The following TRIO variants were observed in gnomAD, a reference collection of about 807,000 sequenced individuals.
The protein encoded by TRIO is trio Rho guanine nucleotide exchange factor.
Under a neutral mutation model 351.9 loss-of-function variants are expected in TRIO, and 58 were observed. The observed-to-expected ratio is 0.16, with a 90% CI of 0.13 to 0.21. TRIO has a LOEUF of 0.21. TRIO is among the 10% of genes least tolerant of loss of function. TRIO has a pLI of 1.00. For synonymous variants in TRIO, 1,758 were observed against 1,595.7 expected (o/e 1.10, Z -2.42); for missense variants, 3,201 against 4,027.8 (o/e 0.79, Z 5.56).
chr5:14,153,055 G>C (rs148445751), intron 1 of TRIO, among the ~76,000 whole-genome samples: 3 of 152,214 alleles, frequency 2.0e-5, no homozygotes, highest in Non-Finnish European at 2.9e-5. Context: ...TTCTCATAAG[G>C]TTCAGCCTGT....
chr5:14,487,677 C>T lies in TRIO; in HGVS notation c.7049C>T (p.Pro2350Leu), dbSNP rs754870679. 2.1e-6 allele frequency: 3 copies of T among 1,411,224 alleles called. No individual in the cohort carries two copies. The highest frequency in any genetic ancestry group is 2.8e-6 in the Non-Finnish European group (3 of 1,071,244). The allele number at this position is 1,411,224 out of a possible 1,614,324, so 87.4% of individuals were successfully genotyped here. A position where few individuals can be genotyped will look rare whatever the true frequency, so the allele number is the denominator to read the frequency against. ...CCCCAGCCTGTCCGACACCACCCCC[C>T]CGTGCTGGTCTCCTCTGCAGCCTCG... ...RIPQPVRHHPPVLVSSAASSQ... is the reference protein window; with the variant it reads ...RIPQPVRHHPLVLVSSAASSQ... Residue 2350 changes from proline (P) to leucine (L), a missense_variant, in exon 48 of 57, where the codon CCC (proline) becomes CTC (leucine). Coordinates refer to ENST00000344204, the MANE Select transcript of TRIO (RefSeq NM_007118.4).
chr5:14,343,685 C>A (rs574134313), intron 11 of TRIO, among the ~76,000 whole-genome samples: 2 of 152,244 alleles, frequency 1.3e-5, no homozygotes, highest in South Asian at 4.1e-4. Context: ...AGTTATTTTC[C>A]GTTTTTGGCT....
chr5:14,408,106 C>A (rs1748882888), intron 33 of TRIO, among the ~76,000 whole-genome samples: 1 of 152,186 alleles, frequency 6.6e-6, no homozygotes, highest in Admixed American at 6.5e-5. Flanking sequence ...ATGCCCTGAC[C>A]TCACCGTCCT....
intron 2 of TRIO, 125 bp from the exon 3 acceptor site, chr5:14,280,197 G>C: frequency 1.2e-6 from 1 of 807,906 alleles, no homozygotes. Flanking sequence ...GCTGAAACAA[G>C]GACTTCTGCC....
intron 36 of TRIO, among the ~76,000 whole-genome samples, chr5:14,463,561 C>G (rs1753992744): frequency 6.6e-6 from 1 of 152,032 alleles, no homozygotes; most frequent in Admixed American, 6.6e-5. Flanking sequence ...TTGTAGAGCC[C>G]TAAAAAATAA....
At chr5:14,161,561 C>T (rs1292103211) in intron 1 of TRIO, among the ~76,000 whole-genome samples, 1 of 152,070 alleles carries the variant, frequency 6.6e-6, no homozygotes, top group Admixed American at 6.6e-5. Context: ...CAGAGCAGTC[C>T]CCAGGTAGAA....
intron 21 of TRIO, among the ~76,000 whole-genome samples, chr5:14,383,783 A>C (rs1454393403): frequency 1.3e-5 from 2 of 151,784 alleles, no homozygotes; most frequent in African/African-American, 4.8e-5. Flanking sequence ...GTGTTTGGAG[A>C]TGTCCTTTGA....
intron 47 of TRIO, among the ~76,000 whole-genome samples, chr5:14,486,549 A>G (rs1188081092): frequency 6.6e-6 from 1 of 152,176 alleles, no homozygotes; most frequent in Non-Finnish European, 1.5e-5. Flanking sequence ...TGGTGCATTG[A>G]GTTCCAATCC....
intron 34 of TRIO, among the ~76,000 whole-genome samples, chr5:14,454,817 T>A (rs966474672): frequency 6.6e-6 from 1 of 152,228 alleles, no homozygotes; most frequent in Admixed American, 6.5e-5. Context: ...TGGATCTTCG[T>A]GGTGTTACAG....
intron 34 of TRIO, among the ~76,000 whole-genome samples, chr5:14,427,911 C>T (rs1579626047): frequency 6.6e-6 from 1 of 152,132 alleles, no homozygotes; most frequent in Admixed American, 6.5e-5. Flanking sequence ...AAGTCCCTGT[C>T]GCCTCACCAC....
chr5:14,466,756 T>C (rs944764631), intron 37 of TRIO, among the ~76,000 whole-genome samples: 1 of 152,264 alleles, frequency 6.6e-6, no homozygotes, highest in Admixed American at 6.5e-5. Flanking sequence ...TGCAAACATA[T>C]ATATGTGTGT....
chr5:14,152,034 A>G (rs150440756), intron 1 of TRIO, among the ~76,000 whole-genome samples: 12 of 152,330 alleles, frequency 7.9e-5, no homozygotes, highest in East Asian at 1.9e-4. Context: ...TTGAAAAACA[A>G]TGCTTTGACT....
intron 8 of TRIO, among the ~76,000 whole-genome samples, chr5:14,313,819 C>CTAA (rs1739139924): frequency 6.6e-6 from 1 of 152,204 alleles, no homozygotes; most frequent in African/African-American, 2.4e-5. Flanking sequence ...GCCAGCTTAG[C>CTAA]CCCTAAACAG....
At chr5:14,420,204 T>G in intron 34 of TRIO, 183 bp downstream of exon 34, 1 of 892,420 alleles carries the variant, frequency 1.1e-6, no homozygotes. Flanking sequence ...AATGAGGATT[T>G]CACCCACGAC....
At chr5:14,363,627 T>G (rs995704781) in intron 13 of TRIO, 105 bp from the exon 14 acceptor site, 40 of 1,082,784 alleles carry the variant, frequency 3.7e-5, no homozygotes, top group Non-Finnish European at 5.4e-5. Context: ...GTTTGACGTC[T>G]CTGTCCTTTG....
rs34053982 is a variant in TRIO at position 14,504,860 on chromosome 5, AC to A, written c.8612+275del. On this transcript the variant is annotated intron_variant, in intron 55 of 56. Transcript: ENST00000344204. ...ATATGCTCAGCCAACCCGGAGATGC[AC>A]CCCCCCCACCCCTTTTCTGAAGGTC... 9.7e-4 allele frequency among the ~76,000 whole-genome samples: 145 copies of A among 149,300 alleles called. 3 individuals carry two copies. In the South Asian group the frequency reaches 0.024, roughly 24 times the overall value.
chr5:14,490,057 T>G (rs532444463), intron 48 of TRIO, among the ~76,000 whole-genome samples: 2 of 152,170 alleles, frequency 1.3e-5, no homozygotes, highest in Non-Finnish European at 2.9e-5. Context: ...GACGGGCAGA[T>G]CACAAGGTCA....
rs376399006 is a variant in TRIO, at chr5:14,508,178, A to T, written c.9050A>T (p.Lys3017Ile). The change falls in exon 57 of 57, where the codon AAA (lysine) becomes ATA (isoleucine). Residue 3017 changes from lysine to isoleucine, a missense_variant. Physicochemically the swap from Lys to Ile is moderately radical, Grantham distance 102. Around this residue, in one of 19 missense-constraint regions of TRIO, gnomAD observed 233 missense variants for 292.6 expected, o/e 0.80. Coordinates refer to ENST00000344204, the MANE Select transcript of TRIO (RefSeq NM_007118.4). ...LDFSFPDDYF[K>I]GVSQKAKEFV... ...TTTAGCTTCCCAGATGACTACTTTA[A>T]AGGAGTGAGCCAGAAGGCCAAGGAG... 14 of 1,614,002 alleles carry T rather than the reference A, an allele frequency of 8.7e-6. No homozygotes were observed. The African/African-American group carries it at 1.9e-4, about 22-fold the overall frequency.
At chr5:14,149,205 T>C (rs917076154) in intron 1 of TRIO, among the ~76,000 whole-genome samples, 6 of 152,128 alleles carry the variant, frequency 3.9e-5, no homozygotes, top group Admixed American at 1.3e-4. Context: ...AGGACTTCGC[T>C]CTCACTGCCA....
Sources: gnomAD v4.1 joint callset for allele counts (sites outside exome capture counted in the v4.1 genomes callset) on GRCh38, gnomAD v4.1.1 for gene constraint, gnomAD v4.1.1 regional missense constraint, MANE v1.5 for transcripts, NCBI Gene and HGNC (gene_info 2026-07-23, HGNC 2026-07-21) for gene names.